Variants in KIF16B observed in about 807,000 individuals in gnomAD.
KIF16B encodes the protein kinesin-like protein KIF16B.
Under a neutral mutation model 156.3 loss-of-function variants are expected in KIF16B, and 98 were observed. The observed-to-expected ratio is 0.63, with a 90% CI of 0.53 to 0.74. KIF16B has a LOEUF of 0.74. Among genes scored for constraint, KIF16B ranks in the 30% least tolerant of loss-of-function variants. The pLI is 0.00. For synonymous variants in KIF16B, 564 were observed against 583.7 expected (o/e 0.97, Z 0.49); for missense variants, 1,421 against 1,606.5 (o/e 0.88, Z 1.97).
At chr20:16,354,672 G>A (rs533767269) in intron 23 of KIF16B, among the ~76,000 whole-genome samples, 12 of 152,322 alleles carry the variant, frequency 7.9e-5, no homozygotes, top group Middle Eastern at 6.8e-3. Flanking sequence ...AAGGCTGGGC[G>A]CGGTGGCTCA....
At chr20:16,545,855 C>G (rs1299286887) in intron 1 of KIF16B, among the ~76,000 whole-genome samples, 1 of 151,860 alleles carries the variant, frequency 6.6e-6, no homozygotes, top group African/African-American at 2.4e-5. Context: ...CTATAACCCT[C>G]TTCCCAGTTT....
At chr20:16,461,338 C>T (rs1332224510) in intron 12 of KIF16B, among the ~76,000 whole-genome samples, 1 of 151,718 alleles carries the variant, frequency 6.6e-6, no homozygotes, top group East Asian at 1.9e-4. Flanking sequence ...AATAAAGAAC[C>T]CAGAAGCTCA....
At position 16,272,222 on chromosome 20, in the gene KIF16B, T is replaced by C. The variant is rs41276366; in HGVS notation, c.*1031A>G. On this transcript the variant is annotated 3_prime_UTR_variant, in exon 26 of 26. Transcript: ENST00000354981. ...ATTTTGATGGAACTACTGTACAGAA[T>C]GTATACATATATAAATCTATAGATA... 11,872 of 152,742 alleles carry C rather than the reference T, an allele frequency of 0.078. 605 individuals carry two copies. The highest frequency in any genetic ancestry group is 0.12 in the Non-Finnish European group (8,008 of 68,010). The allele number at this position is 152,742 out of a possible 1,614,324, so 9.5% of individuals were successfully genotyped here. A position where few individuals can be genotyped will look rare whatever the true frequency, so the allele number is the denominator to read the frequency against.
intron 1 of KIF16B, among the ~76,000 whole-genome samples, chr20:16,567,104 A>G (rs2122160098): frequency 6.6e-6 from 1 of 152,318 alleles, no homozygotes; most frequent in South Asian, 2.1e-4. Context: ...GACTTTAGGA[A>G]GTTAGAGTAG....
chr20:16,517,607 G>A (rs746248314), intron 3 of KIF16B, among the ~76,000 whole-genome samples: 8 of 152,000 alleles, frequency 5.3e-5, no homozygotes, highest in African/African-American at 1.2e-4. Context: ...CCACACCCTC[G>A]AAAGCAACAA....
Position 16,335,947 on chromosome 20 carries a change from T to C in KIF16B, c.3690A>G (p.Thr1230=), listed in dbSNP as rs370943548. 1.7e-5 allele frequency: 27 copies of C among 1,604,022 alleles called. No individual in the cohort carries two copies. In the East Asian group the frequency reaches 4.0e-4, roughly 24 times the overall value. Residue 1230 remains threonine, a synonymous_variant, in exon 24 of 26, where the codon ACA becomes ACG. Coordinates refer to ENST00000354981, the MANE Select transcript of KIF16B (RefSeq NM_024704.5). Reference sequence around the variant, plus strand: ...TTACCTCTGCATACTTTAACTTCAATGTTTTATGCATTTCTCGAAAACGAC... The same window carrying C: ...TTACCTCTGCATACTTTAACTTCAACGTTTTATGCATTTCTCGAAAACGAC... The part of the protein sequence containing the change: ...RYSRFREMHK[T]LKLKYAELAA...
At chr20:16,524,607 A>C (rs1412633809) in intron 3 of KIF16B, among the ~76,000 whole-genome samples, 1 of 152,228 alleles carries the variant, frequency 6.6e-6, no homozygotes, top group African/African-American at 2.4e-5. Flanking sequence ...CCATTGTGGA[A>C]GACAGTGTGG....
intron 19 of KIF16B, 76 bp from the exon 20 acceptor site, chr20:16,374,485 T>C: frequency 7.6e-7 from 1 of 1,321,274 alleles, no homozygotes; most frequent in South Asian, 2.1e-5. Context: ...GACATTGCTT[T>C]AGATAGCATG....
chr20:16,289,722 T>G (rs1415939712), intron 25 of KIF16B, among the ~76,000 whole-genome samples: 1 of 152,148 alleles, frequency 6.6e-6, no homozygotes, highest in African/African-American at 2.4e-5. Context: ...GCGCCTGTAC[T>G]CCCAGCTACT....
chr20:16,444,232 T>C, intron 12 of KIF16B, among the ~76,000 whole-genome samples: 1 of 152,222 alleles, frequency 6.6e-6, no homozygotes, highest in East Asian at 1.9e-4. Flanking sequence ...TGAAATAATA[T>C]CCACATCACA....
chr20:16,478,960 C>T (rs1262492999), intron 12 of KIF16B, among the ~76,000 whole-genome samples: 2 of 152,106 alleles, frequency 1.3e-5, no homozygotes, highest in Non-Finnish European at 2.9e-5. Flanking sequence ...AAGTATACAC[C>T]TAACAGAAAC....
chr20:16,311,549 C>T (rs1464117387), intron 25 of KIF16B, among the ~76,000 whole-genome samples: 1 of 152,116 alleles, frequency 6.6e-6, no homozygotes, highest in Non-Finnish European at 1.5e-5. Flanking sequence ...GAGAGTCTCC[C>T]TGAAAGCTTG....
chr20:16,302,907 T>C (rs1405856861), intron 25 of KIF16B, among the ~76,000 whole-genome samples: 2 of 152,220 alleles, frequency 1.3e-5, no homozygotes, highest in Non-Finnish European at 2.9e-5. Flanking sequence ...TTTTCTTTGT[T>C]AATTCTTTCA....
At chr20:16,404,931 C>A (rs1600305015) in intron 16 of KIF16B, 30 bp from the exon 17 acceptor site, 2 of 1,551,290 alleles carry the variant, frequency 1.3e-6, no homozygotes. Flanking sequence ...AGAGTGGTTA[C>A]CTTAGCAGAG....
rs758093954 is a variant in KIF16B at position 16,379,268 on chromosome 20, G to A, written c.2734C>T (p.Leu912Phe). 11 of 1,613,808 alleles carry A rather than the reference G, an allele frequency of 6.8e-6. No homozygotes were observed. Among genetic ancestry groups the A allele is most frequent in the South Asian group, 1.1e-5 (1 of 91,080 alleles). ...LQYKERQLQY[L>F]LQNHLPTLLE... ...AGAGTTGGCAAGTGATTCTGCAGGA[G>A]GTACTGTAGCTGGCGTTCTTTATAT... The change falls in exon 19 of 26, where the codon CTC (leucine) becomes TTC (phenylalanine). Residue 912 changes from leucine (L) to phenylalanine (F), a missense_variant. Physicochemically the swap from Leu to Phe is conservative, Grantham distance 22. Transcript: ENST00000354981.
chr20:16,452,713 T>C (rs2067115002), intron 12 of KIF16B, among the ~76,000 whole-genome samples: 1 of 151,956 alleles, frequency 6.6e-6, no homozygotes, highest in South Asian at 2.1e-4. Flanking sequence ...TGGGTGCCTG[T>C]AGTCCCAGCT....
Position 16,356,310 on chromosome 20 carries a change from A to G in KIF16B, c.3621+20T>C, listed in dbSNP as rs2064440450. ...TAGTCTCCAACCTCCATTCTCCAGA[A>G]GAGTCAAGAAGACACTCACCTTGAC... On this transcript the variant is annotated intron_variant, in intron 23 of 25. Transcript: ENST00000354981. 1 of 1,613,990 alleles carries G rather than the reference A, an allele frequency of 6.2e-7. No individual in the cohort carries two copies.
intron 25 of KIF16B, among the ~76,000 whole-genome samples, chr20:16,287,873 G>A (rs1250952816): frequency 6.6e-6 from 1 of 152,174 alleles, no homozygotes; most frequent in Non-Finnish European, 1.5e-5. Flanking sequence ...TGCACCTGTG[G>A]ACCAGAAGTG....
At chr20:16,356,224 A>C in intron 23 of KIF16B, 106 bp downstream of exon 23, 1 of 1,394,694 alleles carries the variant, frequency 7.2e-7, no homozygotes, top group African/African-American at 1.4e-5. Flanking sequence ...TTTTACAAAC[A>C]GGATATTCAC....
Sources: gnomAD v4.1 joint callset for allele counts (sites outside exome capture counted in the v4.1 genomes callset) on GRCh38, gnomAD v4.1.1 for gene constraint, MANE v1.5 for transcripts, NCBI Gene and HGNC (gene_info 2026-07-23, HGNC 2026-07-21) for gene names.